The following RNASE9 variants were observed in gnomAD, a reference collection of about 807,000 sequenced individuals.
The protein encoded by RNASE9 is ribonuclease A family member 9 (inactive).
For missense variants in RNASE9, 263 were observed against 247.1 expected (o/e 1.06, Z -0.43); for synonymous variants, 95 against 87.6 (o/e 1.08, Z -0.47).
At chr14:20,556,874 T>C in exon 3 of RNASE9, 1 of 1,614,204 alleles carries the variant, frequency 6.2e-7, no homozygotes, top group Non-Finnish European at 8.5e-7. Context: ...ACACGTCTTT[T>C]GACTTTTTCT....
chr14:20,556,307 G>A lies in RNASE9; in HGVS notation c.*145C>T. 1.1e-5 allele frequency: 7 copies of A among 630,694 alleles called. 1 individual carries two copies. In the South Asian group the frequency reaches 1.5e-4, roughly 13 times the overall value. 39.1% of individuals were successfully genotyped at this position (630,694 alleles called of 1,614,324 possible). On this transcript the variant is annotated 3_prime_UTR_variant, in exon 3 of 3. Transcript: ENST00000555230. ...ACCGTCTGTGAACCTAGCCTAAGGT[G>A]CTTTTGTGAGGTGTTGGGAAAGGAA...
chr14:20,559,787 G>A (rs554339165), intron 1 of RNASE9, among the ~76,000 whole-genome samples, 154 bp from the exon 2 acceptor site: 1 of 152,332 alleles, frequency 6.6e-6, no homozygotes, highest in Non-Finnish European at 1.5e-5. Flanking sequence ...GGCCCTTTCA[G>A]CAAATGTTCT....
chr14:20,559,167 G>T (rs1221194830), intron 2 of RNASE9, among the ~76,000 whole-genome samples: 1 of 151,660 alleles, frequency 6.6e-6, no homozygotes, highest in African/African-American at 2.4e-5. Context: ...TGCCTCGGCT[G>T]ACTCAGAACT....
exon 3 of RNASE9, chr14:20,557,647 G>T (rs1883761693): frequency 1.3e-5 from 2 of 153,000 alleles, no homozygotes; most frequent in Non-Finnish European, 2.9e-5. Flanking sequence ...GTCAAGGAAG[G>T]TTCAAGTTTG....
Position 20,556,424 on chromosome 14 carries a change from C to T in RNASE9, c.*28G>A, listed in dbSNP as rs145608781. ...ATCAGTATGGAGAGAAATATTCCTC[C>T]CACCCTAAGCTCTCAGAGAACGCTC... is the stretch of plus-strand genomic sequence containing the variant. On this transcript the variant is annotated 3_prime_UTR_variant, in exon 3 of 3. Coordinates refer to ENST00000555230, the Ensembl canonical transcript of RNASE9. 1.5e-5 allele frequency: 22 copies of T among 1,489,866 alleles called. No homozygotes were observed. In the African/African-American group the frequency reaches 1.8e-4, roughly 12 times the overall value. 92.3% of individuals were successfully genotyped at this position (1,489,866 alleles called of 1,614,324 possible).
chr14:20,556,923 T>C, exon 3 of RNASE9: 1 of 1,614,180 alleles, frequency 6.2e-7, no homozygotes, highest in Non-Finnish European at 8.5e-7. Flanking sequence ...TAAAAAATTT[T>C]TCCAAACACT....
exon 3 of RNASE9, chr14:20,556,131 G>A (rs1883673328): frequency 4.1e-6 from 1 of 241,646 alleles, no homozygotes; most frequent in Non-Finnish European, 8.0e-6. Context: ...CTGAACTAGA[G>A]AATCACATGG....
chr14:20,556,561 C>A (rs950228882), exon 3 of RNASE9: 1 of 1,613,850 alleles, frequency 6.2e-7, no homozygotes, highest in Non-Finnish European at 8.5e-7. Flanking sequence ...TTCATTTTGC[C>A]ATGAACAAGT....
intron 1 of RNASE9, chr14:20,560,519 A>G (rs1260082455): frequency 6.6e-6 from 1 of 152,128 alleles, no homozygotes; most frequent in African/African-American, 2.4e-5. Context: ...TTTACTTAAA[A>G]GGGAAAAAAA....
intron 2 of RNASE9, chr14:20,558,752 T>C (rs1203460166): frequency 1.5e-6 from 1 of 656,018 alleles, no homozygotes; most frequent in Non-Finnish European, 2.8e-6. Flanking sequence ...CTGTCCAGAA[T>C]ACTCTTTTGT....
chr14:20,559,351 T>A (rs1883855507), intron 2 of RNASE9, among the ~76,000 whole-genome samples: 1 of 151,808 alleles, frequency 6.6e-6, no homozygotes, highest in African/African-American at 2.4e-5. Flanking sequence ...CAAAGTAGAT[T>A]ATAGGGTGCC....
rs1048138417 is a variant in RNASE9, at chr14:20,558,746, C to A, written c.-1581-96G>T. The A allele has an allele frequency of 2.7e-5, 18 of 673,644 alleles. No homozygotes were observed. The African/African-American group carries it at 2.9e-4, about 11-fold the overall frequency. 41.7% of individuals were successfully genotyped at this position (673,644 alleles called of 1,614,324 possible). A position where few individuals can be genotyped will look rare whatever the true frequency, so the allele number is the denominator to read the frequency against. Reference sequence around the variant, plus strand: ...TCCCGAGAACATGCACAGGGCCTGTCCAGAATACTCTTTTGTTTTTTAAAT... The same window carrying A: ...TCCCGAGAACATGCACAGGGCCTGTACAGAATACTCTTTTGTTTTTTAAAT... On this transcript the variant is annotated intron_variant, in intron 2 of 2. Transcript: ENST00000555230.
intron 1 of RNASE9, among the ~76,000 whole-genome samples, chr14:20,559,912 A>G (rs1883885375): frequency 1.3e-5 from 2 of 152,164 alleles, no homozygotes; most frequent in African/African-American, 4.8e-5. Flanking sequence ...CTGCTTTTAA[A>G]CTTGCTTGGA....
exon 3 of RNASE9, chr14:20,556,728 T>G: frequency 1.9e-6 from 3 of 1,614,038 alleles, no homozygotes; most frequent in Non-Finnish European, 2.5e-6. Flanking sequence ...TGTAACAGAT[T>G]TTTTGGAGCT....
At chr14:20,560,320 TAATTATAATAACTTACAAACTCAATGCTG>T (rs1883903078) in intron 1 of RNASE9, 1 of 152,054 alleles carries the variant, frequency 6.6e-6, no homozygotes, top group South Asian at 2.1e-4. Context: ...AAATTGGCAA[TAATTATAATAACTTACAAACTCAATGCTG>T]ATAAGAGTGT....
chr14:20,559,057 T>C (rs1883838061), intron 2 of RNASE9, among the ~76,000 whole-genome samples: 1 of 152,132 alleles, frequency 6.6e-6, no homozygotes, highest in African/African-American at 2.4e-5. Flanking sequence ...AATAATTCTG[T>C]TTCTGAACAG....
At chr14:20,556,605 G>A (rs111600594) in exon 3 of RNASE9, 16 of 1,613,624 alleles carry the variant, frequency 9.9e-6, no homozygotes, top group African/African-American at 6.7e-5. Flanking sequence ...AAAGTGATTC[G>A]TATTTACACG....
At chr14:20,558,191 G>A (rs894517247) in exon 3 of RNASE9, 4 of 374,112 alleles carry the variant, frequency 1.1e-5, no homozygotes, top group Admixed American at 3.9e-5. Flanking sequence ...TACCAGGCTC[G>A]TTGTAAAAGA....
At chr14:20,560,324 TATA>T (rs1259904711) in intron 1 of RNASE9, 3 of 152,036 alleles carry the variant, frequency 2.0e-5, no homozygotes, top group African/African-American at 7.2e-5. Context: ...TGGCAATAAT[TATA>T]ATAACTTACA....
Sources: allele counts gnomAD v4.1 joint callset (sites outside exome capture counted in the v4.1 genomes callset), GRCh38; gene constraint gnomAD v4.1.1; transcripts MANE v1.5; gene names NCBI Gene and HGNC (gene_info 2026-07-23, HGNC 2026-07-21).